The following GNAI1 variants were observed in gnomAD, a reference collection of about 807,000 sequenced individuals.
GNAI1 encodes the protein G protein subunit alpha i1.
GNAI1 carries 11 observed loss-of-function variants against 38.9 expected under a neutral mutation model. The ratio of observed to expected loss-of-function variants is 0.28; its 90% CI spans 0.18 to 0.47. The LOEUF (loss-of-function observed/expected upper bound fraction) is 0.47, where lower values mean the gene tolerates loss of function less well. Among genes scored for constraint, GNAI1 ranks in the 20% least tolerant of loss-of-function variants. GNAI1 has a pLI of 0.99. For missense variants in GNAI1, 317 were observed against 436.9 expected (o/e 0.73, Z 2.45); for synonymous variants, 166 against 145.1 (o/e 1.14, Z -1.04).
intron 1 of GNAI1, among the ~76,000 whole-genome samples, chr7:80,164,039 CTTTTTTTTTTTTT>C (rs35826632): frequency 1.6e-5 from 1 of 62,936 alleles, no homozygotes; most frequent in Admixed American, 2.0e-4. Context: ...CTGGTGCTTT[CTTTTTTTTTTTTT>C]TTTTTTTTGT....
chr7:80,157,339 G>T (rs973474922), intron 1 of GNAI1, among the ~76,000 whole-genome samples: 3 of 152,174 alleles, frequency 2.0e-5, no homozygotes, highest in African/African-American at 7.2e-5. Context: ...CAGTTTATCT[G>T]TTCACCTACT....
Position 80,217,342 on chromosome 7 carries a change from G to A in GNAI1, c.914G>A (p.Cys305Tyr). Residue 305 changes from cysteine (C) to tyrosine (Y), a missense_variant, in exon 8 of 8, where the codon TGT (cysteine) becomes TAT (tyrosine). This residue lies in a region of GNAI1 where 158 missense variants were observed against 234.7 expected (regional missense o/e 0.67). Transcript: ENST00000649796. ...TYEEAAAYIQ[C>Y]QFEDLNKRKD... ...GAAGAGGCAGCTGCATATATTCAAT[G>A]TCAGTTTGAAGACCTCAATAAAAGA... is the stretch of plus-strand genomic sequence containing the variant. The A allele has an allele frequency of 6.2e-7, 1 of 1,600,198 alleles. No homozygotes were observed. The highest frequency in any genetic ancestry group is 8.5e-7 in the Non-Finnish European group (1 of 1,173,716).
At chr7:80,175,792 T>C (rs1231936722) in intron 1 of GNAI1, among the ~76,000 whole-genome samples, 1 of 152,160 alleles carries the variant, frequency 6.6e-6, no homozygotes, top group African/African-American at 2.4e-5. Flanking sequence ...ATATATGTGT[T>C]CTCATTGCTT....
chr7:80,143,940 A>G (rs185670462), intron 1 of GNAI1, among the ~76,000 whole-genome samples: 18 of 151,184 alleles, frequency 1.2e-4, no homozygotes, highest in East Asian at 3.9e-4. Context: ...GTGTGTATCT[A>G]TATGTGTGCA....
chr7:80,220,600 C>G lies in GNAI1; in HGVS notation c.*3107C>G, dbSNP rs949348396. ...CGCTTGTGGTTTCTAAAATTCTCTT[C>G]ATTTCAGTAACCTTCTAAAAGTCTA... On this transcript the variant is annotated 3_prime_UTR_variant, in exon 8 of 8. Transcript: ENST00000649796. 6.6e-6 allele frequency among the ~76,000 whole-genome samples: 1 copy of G among 152,190 alleles called. No homozygotes were observed. The highest frequency in any genetic ancestry group is 1.5e-5 in the Non-Finnish European group (1 of 68,040).
At chr7:80,214,655 G>A (rs142875184) in intron 7 of GNAI1, among the ~76,000 whole-genome samples, 224 of 152,228 alleles carry the variant, frequency 1.5e-3, no homozygotes, top group South Asian at 3.7e-3. Context: ...CCAAAGTATT[G>A]ATTCAGTTGC....
Position 80,224,581 on chromosome 7 carries a change from G to C in GNAI1, c.*7088G>C, listed in dbSNP as rs1336442476. ...TGCAGCATGTCCAACAGCATTGCCT[G>C]AACAGATGTTAATAAGTATGCATGA... On this transcript the variant is annotated 3_prime_UTR_variant, in exon 8 of 8. Transcript: ENST00000649796. Among the ~76,000 whole-genome samples the C allele has an allele frequency of 6.6e-6, 1 of 152,194 alleles. No individual in the cohort carries two copies. The highest frequency in any genetic ancestry group is 1.9e-4 in the East Asian group (1 of 5,196).
At chr7:80,207,060 C>G (rs903837742) in intron 5 of GNAI1, among the ~76,000 whole-genome samples, 2 of 151,976 alleles carry the variant, frequency 1.3e-5, no homozygotes, top group Non-Finnish European at 2.9e-5. Context: ...AGTAAAGATT[C>G]TAGACTTAGG....
At chr7:80,158,842 T>C (rs59599037) in intron 1 of GNAI1, among the ~76,000 whole-genome samples, 14,020 of 152,196 alleles carry the variant, frequency 0.092, 1,819 homozygotes, top group African/African-American at 0.29. Context: ...TCCTGGGATA[T>C]GTAGGGAGGA....
chr7:80,143,463 A>C (rs116758401), intron 1 of GNAI1, among the ~76,000 whole-genome samples: 1,840 of 152,180 alleles, frequency 0.012, 36 homozygotes, highest in African/African-American at 0.041. Context: ...TTTGTGTTGT[A>C]TGGAAACTTA....
chr7:80,184,664 T>G (rs1788359680), intron 1 of GNAI1, among the ~76,000 whole-genome samples: 1 of 152,194 alleles, frequency 6.6e-6, no homozygotes, highest in Non-Finnish European at 1.5e-5. Flanking sequence ...GCCTTTCCCT[T>G]TCACTGGCTG....
chr7:80,154,935 C>A (rs1374079714), intron 1 of GNAI1, among the ~76,000 whole-genome samples: 1 of 151,970 alleles, frequency 6.6e-6, no homozygotes, highest in Non-Finnish European at 1.5e-5. Context: ...AAAGTAGATT[C>A]TTTTTCTATA....
At chr7:80,146,853 A>G (rs1341292271) in intron 1 of GNAI1, among the ~76,000 whole-genome samples, 1 of 152,202 alleles carries the variant, frequency 6.6e-6, no homozygotes, top group Non-Finnish European at 1.5e-5. Context: ...CAGAGTAAAC[A>G]TTCATCATGT....
At chr7:80,204,406 A>G (rs1247049157) in intron 5 of GNAI1, among the ~76,000 whole-genome samples, 1 of 152,062 alleles carries the variant, frequency 6.6e-6, no homozygotes, top group Non-Finnish European at 1.5e-5. Context: ...TAGAAATGCA[A>G]GGGGTCTTGG....
At chr7:80,141,499 C>A (rs192437029) in intron 1 of GNAI1, among the ~76,000 whole-genome samples, 371 of 152,254 alleles carry the variant, frequency 2.4e-3, no homozygotes, top group Non-Finnish European at 4.3e-3. Flanking sequence ...TGAGCACTTT[C>A]AAAACTCCTT....
At chr7:80,213,827 C>T (rs117229340) in intron 7 of GNAI1, among the ~76,000 whole-genome samples, 442 of 149,636 alleles carry the variant, frequency 3.0e-3, no homozygotes, top group Non-Finnish European at 4.4e-3. Flanking sequence ...TATTTACCCT[C>T]ACCCCACTCT....
chr7:80,210,702 G>T (rs1023751776), intron 5 of GNAI1, among the ~76,000 whole-genome samples: 1 of 141,544 alleles, frequency 7.1e-6, no homozygotes, highest in African/African-American at 2.6e-5. Flanking sequence ...TTAATGTCTC[G>T]TTTTTTTGAG....
At chr7:80,150,578 G>C (rs562304889) in intron 1 of GNAI1, among the ~76,000 whole-genome samples, 2 of 152,302 alleles carry the variant, frequency 1.3e-5, no homozygotes, top group South Asian at 2.1e-4. Context: ...CAGAGTGCTG[G>C]TTACTTCTGA....
At chr7:80,184,964 G>T (rs1788364484) in intron 1 of GNAI1, among the ~76,000 whole-genome samples, 1 of 152,158 alleles carries the variant, frequency 6.6e-6, no homozygotes, top group Non-Finnish European at 1.5e-5. Context: ...GACCAGCCAG[G>T]TTTCGTGACT....
Sources: gnomAD v4.1 joint callset for allele counts (sites outside exome capture counted in the v4.1 genomes callset) on GRCh38, gnomAD v4.1.1 for gene constraint, gnomAD v4.1.1 regional missense constraint, MANE v1.5 for transcripts, NCBI Gene and HGNC (gene_info 2026-07-23, HGNC 2026-07-21) for gene names.